TENM1: variants seen among roughly 807,000 people sequenced by gnomAD.
The protein encoded by TENM1 is teneurin transmembrane protein 1.
Under a neutral mutation model 174.8 loss-of-function variants are expected in TENM1, and 35 were observed. That is an observed-to-expected ratio of 0.20 (90% confidence interval 0.15 to 0.27). The LOEUF (loss-of-function observed/expected upper bound fraction) is 0.27. Among genes scored for constraint, TENM1 ranks in the 10% least tolerant of loss-of-function variants. The pLI is 1.00. For missense variants in TENM1, 1,633 were observed against 2,130.1 expected, an observed-to-expected ratio of 0.77 and a Z score of 4.59; for synonymous variants, 781 against 798.7, an observed-to-expected ratio of 0.98 and a Z score of 0.37.
At chrX:124,453,754 C>T (rs2061070869) in intron 22 of TENM1, among the ~76,000 whole-genome samples, 1 of 110,827 alleles carries the variant, frequency 9.0e-6, no homozygotes, top group Non-Finnish European at 1.9e-5. Context: ...ATTTCCACCC[C>T]CTTGATACTT....
At chrX:125,057,254 A>G in the TENM1 span, among the ~76,000 whole-genome samples, 1 of 111,364 alleles carries the variant, frequency 9.0e-6, no homozygotes, top group Non-Finnish European at 1.9e-5. Context: ...GAAAATTTAT[A>G]CCCTCTCGGG....
At chrX:124,555,427 CA>C (rs1315061900) in intron 14 of TENM1, among the ~76,000 whole-genome samples, 1 of 111,727 alleles carries the variant, frequency 9.0e-6, no homozygotes, top group Non-Finnish European at 1.9e-5. Flanking sequence ...GAGGGATCTT[CA>C]AAAAGTTCTT....
At chrX:125,073,972 A>G in the TENM1 span, among the ~76,000 whole-genome samples, 1 of 111,985 alleles carries the variant, frequency 8.9e-6, no homozygotes, top group Non-Finnish European at 1.9e-5. Context: ...CATCAAAGAC[A>G]TTTCTGAAAA....
the TENM1 span, among the ~76,000 whole-genome samples, chrX:125,175,135 C>G: frequency 9.0e-6 from 1 of 110,804 alleles, no homozygotes; most frequent in Non-Finnish European, 1.9e-5. Context: ...TTTAAAATAA[C>G]AACTATGTCA....
At chrX:124,554,131 A>G (rs2048643760) in intron 14 of TENM1, among the ~76,000 whole-genome samples, 2 of 111,859 alleles carry the variant, frequency 1.8e-5, no homozygotes. Context: ...ATGAACATTC[A>G]TTATATATTT....
At chrX:124,401,104 C>T (rs2147656651) in intron 27 of TENM1, among the ~76,000 whole-genome samples, 1 of 111,468 alleles carries the variant, frequency 9.0e-6, no homozygotes, top group Non-Finnish European at 1.9e-5. Flanking sequence ...CCTCCCTCAC[C>T]TTAAAAAGGA....
the TENM1 span, among the ~76,000 whole-genome samples, chrX:125,064,656 C>T: frequency 3.6e-5 from 4 of 111,406 alleles, no homozygotes; most frequent in Non-Finnish European, 7.5e-5. Flanking sequence ...AAACAATAGC[C>T]AACACCATAG....
At chrX:124,948,296 A>C (rs1277673425) in intron 1 of TENM1, among the ~76,000 whole-genome samples, 1 of 111,698 alleles carries the variant, frequency 9.0e-6, no homozygotes, top group Non-Finnish European at 1.9e-5. Context: ...CTAAAACTCC[A>C]TTTATGGGGT....
At chrX:124,723,573 A>G (rs2053369021) in intron 4 of TENM1, among the ~76,000 whole-genome samples, 1 of 107,261 alleles carries the variant, frequency 9.3e-6, no homozygotes, top group Admixed American at 1.0e-4. Flanking sequence ...GAGCTCTGGA[A>G]GCAGACATAT....
intron 11 of TENM1, among the ~76,000 whole-genome samples, chrX:124,592,868 T>C (rs2049794942): frequency 9.1e-6 from 1 of 109,821 alleles, no homozygotes; most frequent in Admixed American, 9.6e-5. Flanking sequence ...TTTGCTTCTA[T>C]AGTTCTATGC....
At chrX:124,926,633 G>A (rs1238410783) in intron 1 of TENM1, among the ~76,000 whole-genome samples, 4 of 111,481 alleles carry the variant, frequency 3.6e-5, no homozygotes, top group Non-Finnish European at 5.7e-5. Flanking sequence ...ATTAATGTAC[G>A]TTGGATAGAT....
At chrX:124,717,014 C>T (rs181208116) in intron 4 of TENM1, among the ~76,000 whole-genome samples, 144 of 110,865 alleles carry the variant, frequency 1.3e-3, no homozygotes, top group African/African-American at 4.6e-3. Context: ...CCTTTCTTTC[C>T]GTCCTGAAGA....
intron 3 of TENM1, among the ~76,000 whole-genome samples, chrX:124,781,156 A>G (rs990158122): frequency 8.9e-6 from 1 of 111,810 alleles, no homozygotes; most frequent in African/African-American, 3.2e-5. Context: ...TGTTTGTCTC[A>G]TTAAATAACT....
chrX:124,671,941 G>C, intron 5 of TENM1, 106 bp from the exon 9 acceptor site: 1 of 823,633 alleles, frequency 1.2e-6, no homozygotes, highest in South Asian at 2.6e-5. Context: ...TTTTCTTTTA[G>C]TTAGGCCAAG....
intron 27 of TENM1, among the ~76,000 whole-genome samples, chrX:124,399,122 A>G (rs757266283): frequency 2.7e-5 from 3 of 111,930 alleles, no homozygotes; most frequent in Non-Finnish European, 3.8e-5. Flanking sequence ...TTATCAACAG[A>G]GGGGATCTTA....
chrX:124,627,531 A>G (rs1409662353), intron 11 of TENM1, among the ~76,000 whole-genome samples: 2 of 111,896 alleles, frequency 1.8e-5, no homozygotes, highest in African/African-American at 6.5e-5. Context: ...GATTTGGAGA[A>G]TGAGGTCATG....
At chrX:124,745,620 G>T (rs779768650) in intron 3 of TENM1, among the ~76,000 whole-genome samples, 14 of 110,951 alleles carry the variant, frequency 1.3e-4, no homozygotes, top group Non-Finnish European at 2.3e-4. Flanking sequence ...GTTATAGCTA[G>T]TGATAGGAAT....
In TENM1 at chrX:124,414,094, TTTTG is replaced by T. The variant is rs747262269; in HGVS notation, c.4982+6213_4982+6216del. On this transcript the variant is annotated intron_variant, in intron 25 of 31. Coordinates refer to ENST00000422452, the Ensembl canonical transcript of TENM1. Reference sequence around the variant, plus strand: ...TCTCCAACCTGTCAGTGGGTGGTGTTTTTGTTTGTTTGTTTGTTTGTTTTTTGTT... The same window carrying T: ...TCTCCAACCTGTCAGTGGGTGGTGTTTTTGTTTGTTTGTTTGTTTTTTGTT... 4.5e-4 allele frequency among the ~76,000 whole-genome samples: 50 copies of T among 111,558 alleles called. 1 individual carries two copies. Among genetic ancestry groups the T allele is most frequent in the South Asian group, 2.7e-3 (7 of 2,633 alleles).
intron 24 of TENM1, 40 bp downstream of exon 27, chrX:124,422,232 A>G (rs1298973660): frequency 4.3e-6 from 5 of 1,170,539 alleles, no homozygotes; most frequent in Non-Finnish European, 5.7e-6. Flanking sequence ...TCTTTTCAAA[A>G]CAGAGAGGGG....
Sources: gnomAD v4.1 joint callset for allele counts (sites outside exome capture counted in the v4.1 genomes callset) on GRCh38, gnomAD v4.1.1 for gene constraint, MANE v1.5 for transcripts, NCBI Gene and HGNC (gene_info 2026-07-23, HGNC 2026-07-21) for gene names.